AK9: variants seen among roughly 807,000 people sequenced by gnomAD.
AK9 encodes adenylate kinase 9.
AK9 carries 191 observed loss-of-function variants against 239.6 expected under a neutral mutation model. That is an observed-to-expected ratio of 0.80 (90% CI 0.71 to 0.90). The LOEUF (loss-of-function observed/expected upper bound fraction) is 0.90. AK9 is among the 40% of genes least tolerant of loss of function. The pLI, the probability that AK9 is intolerant of heterozygous loss-of-function variation, is 0.00. For synonymous variants in AK9, 689 were observed against 721.0 expected (o/e 0.96, Z 0.71); for missense variants, 1,995 against 2,214.7 (o/e 0.90, Z 1.99).
intron 1 of AK9, among the ~76,000 whole-genome samples, chr6:109,684,310 C>T (rs181745538): frequency 2.0e-5 from 3 of 152,070 alleles, no homozygotes; most frequent in East Asian, 1.9e-4. Context: ...AGAAAACCTG[C>T]GCAATACCAT....
intron 32 of AK9, among the ~76,000 whole-genome samples, chr6:109,513,038 AT>A (rs1159993005): frequency 6.6e-6 from 1 of 151,942 alleles, no homozygotes; most frequent in Non-Finnish European, 1.5e-5. Flanking sequence ...TAATGTTTTA[AT>A]TTTTTTATGG....
chr6:109,664,309 C>T (rs1800862418), intron 5 of AK9, among the ~76,000 whole-genome samples: 3 of 152,190 alleles, frequency 2.0e-5, no homozygotes, highest in South Asian at 2.1e-4. Flanking sequence ...CCTAGAATAG[C>T]ATAATAAAAA....
chr6:109,637,975 T>C (rs1279345959), intron 10 of AK9, among the ~76,000 whole-genome samples: 1 of 152,198 alleles, frequency 6.6e-6, no homozygotes, highest in Admixed American at 6.5e-5. Context: ...GGGATTTGTG[T>C]TTGTAGTAAG....
At chr6:109,620,083 G>C (rs531511771) in intron 12 of AK9, among the ~76,000 whole-genome samples, 1 of 152,082 alleles carries the variant, frequency 6.6e-6, no homozygotes, top group South Asian at 2.1e-4. Flanking sequence ...TTGTGTTCTA[G>C]GTTTTGGTTA....
At chr6:109,497,017 G>A (rs73520964) in intron 38 of AK9, among the ~76,000 whole-genome samples, 4,418 of 152,052 alleles carry the variant, frequency 0.029, 201 homozygotes, top group African/African-American at 0.1. Flanking sequence ...CTCCAGCCTC[G>A]CCTTCACTCC....
intron 19 of AK9, among the ~76,000 whole-genome samples, chr6:109,580,732 C>T (rs979940973): frequency 1.3e-5 from 2 of 152,052 alleles, no homozygotes; most frequent in African/African-American, 2.4e-5. Flanking sequence ...GTGTTCCTGC[C>T]GGAAGTCTTG....
At chr6:109,595,135 T>A (rs1790844722) in intron 17 of AK9, among the ~76,000 whole-genome samples, 1 of 152,166 alleles carries the variant, frequency 6.6e-6, no homozygotes. Flanking sequence ...ATATCCAGAA[T>A]CTACAAGAAA....
intron 8 of AK9, among the ~76,000 whole-genome samples, chr6:109,647,047 T>G (rs1428521514): frequency 4.6e-5 from 7 of 152,156 alleles, no homozygotes; most frequent in Non-Finnish European, 7.3e-5. Flanking sequence ...GCTGAGAGAT[T>G]TTGTCACCAC....
At chr6:109,585,738 T>C (rs2128212508) in intron 18 of AK9, among the ~76,000 whole-genome samples, 178 bp downstream of exon 18, 1 of 152,292 alleles carries the variant, frequency 6.6e-6, no homozygotes, top group South Asian at 2.1e-4. Context: ...CCGGCACTTA[T>C]TCCTGGCCAC....
At chr6:109,550,560 C>T in intron 24 of AK9, 1 of 282,602 alleles carries the variant, frequency 3.5e-6, no homozygotes, top group Non-Finnish European at 6.5e-6. Context: ...AGTCCTCTAC[C>T]AACAGAGATG....
Position 109,620,883 on chromosome 6 carries a change from A to G in AK9, c.1255-1647T>C, listed in dbSNP as rs142657781. Among the ~76,000 whole-genome samples the G allele has an allele frequency of 5.3e-3, 799 of 151,748 alleles. 9 individuals are homozygous for G. Among genetic ancestry groups the G allele is most frequent in the African/African-American group, 0.019 (772 of 41,416 alleles). ...TACATATACAAACATATACATATATATGTATATACTTGCTGATAAGAGCAT... is the reference window on the plus strand; with the variant it reads ...TACATATACAAACATATACATATATGTGTATATACTTGCTGATAAGAGCAT... On this transcript the variant is annotated intron_variant, in intron 12 of 40. Coordinates refer to ENST00000424296, the MANE Select transcript of AK9 (RefSeq NM_001145128.3).
chr6:109,666,626 T>C (rs1388338378), intron 5 of AK9, among the ~76,000 whole-genome samples: 2 of 152,224 alleles, frequency 1.3e-5, no homozygotes, highest in Non-Finnish European at 2.9e-5. Flanking sequence ...CTCAGGCCCA[T>C]ACCATCACTT....
At chr6:109,548,489 G>C (rs1258606203) in intron 25 of AK9, among the ~76,000 whole-genome samples, 2 of 152,096 alleles carry the variant, frequency 1.3e-5, no homozygotes, top group African/African-American at 4.8e-5. Flanking sequence ...GTTTCCAAAT[G>C]GACAATTTGT....
In AK9 at chr6:109,567,830, T is replaced by C. The variant is rs547596375; in HGVS notation, c.2345-2985A>G. 5.4e-3 allele frequency among the ~76,000 whole-genome samples: 798 copies of C among 147,912 alleles called. 11 individuals carry two copies. Among genetic ancestry groups the C allele is most frequent in the African/African-American group, 0.019 (757 of 39,820 alleles). ...CACACCAACATGGCACATGTATACA[T>C]ATGTAACAAACCTGCACATTGTGCA... On this transcript the variant is annotated intron_variant, in intron 21 of 40. Transcript: ENST00000424296.
intron 31 of AK9, among the ~76,000 whole-genome samples, chr6:109,514,765 C>T (rs115961468): frequency 0.021 from 3,194 of 152,284 alleles, 98 homozygotes; most frequent in African/African-American, 0.074. Flanking sequence ...CAGGCCAATT[C>T]ATCCTCACAA....
chr6:109,493,071 T>C lies in AK9; in HGVS notation c.*298A>G, dbSNP rs1582695058. The C allele has an allele frequency of 9.3e-6, 2 of 216,072 alleles. No homozygotes were observed. The highest frequency in any genetic ancestry group is 2.1e-4 in the East Asian group (2 of 9,370). The allele number at this position is 216,072 out of a possible 1,614,324, so 13.4% of individuals were successfully genotyped here. On this transcript the variant is annotated 3_prime_UTR_variant, in exon 41 of 41. Coordinates refer to ENST00000424296, the MANE Select transcript of AK9 (RefSeq NM_001145128.3). Reference sequence around the variant, plus strand: ...GTTAAAAAGGAAAATAATACATTTATTAAATAAGTCACTTAACTTTTCTAT... The same window carrying C: ...GTTAAAAAGGAAAATAATACATTTACTAAATAAGTCACTTAACTTTTCTAT...
chr6:109,633,610 A>G (rs1304911296), intron 10 of AK9, among the ~76,000 whole-genome samples: 3 of 152,192 alleles, frequency 2.0e-5, no homozygotes, highest in Admixed American at 6.5e-5. Context: ...AATTTCTATC[A>G]TATGGTAAAA....
At chr6:109,567,245 GA>G in intron 21 of AK9, among the ~76,000 whole-genome samples, 1 of 151,986 alleles carries the variant, frequency 6.6e-6, no homozygotes, top group Non-Finnish European at 1.5e-5. Context: ...TGATAAAGGG[GA>G]TATCACCACT....
Position 109,608,074 on chromosome 6 carries a change from T to C in AK9, c.1842+2291A>G, listed in dbSNP as rs149247309. ...ATAGATCACTTGAGGTCAGGAGTTC[T>C]AGGCCACATTGGCCAACATGGTGAA... On this transcript the variant is annotated intron_variant, in intron 17 of 40. Coordinates refer to ENST00000424296, the MANE Select transcript of AK9 (RefSeq NM_001145128.3). Among the ~76,000 whole-genome samples, 261 of 151,932 alleles carry C rather than the reference T, an allele frequency of 1.7e-3. 3 individuals are homozygous for C. Among genetic ancestry groups the C allele is most frequent in the Admixed American group, 0.015 (233 of 15,222 alleles).
Sources: gnomAD v4.1 joint callset for allele counts (sites outside exome capture counted in the v4.1 genomes callset) on GRCh38, gnomAD v4.1.1 for gene constraint, MANE v1.5 for transcripts, NCBI Gene and HGNC (gene_info 2026-07-23, HGNC 2026-07-21) for gene names.